Variants in CTNNA2 observed in about 807,000 individuals in gnomAD.
CTNNA2 encodes catenin alpha-2.
CTNNA2 carries 42 observed loss-of-function variants against 101.0 expected under a neutral mutation model. That is an observed-to-expected ratio of 0.42 (90% CI 0.32 to 0.54). CTNNA2 has a LOEUF of 0.54. CTNNA2 is among the 20% of genes least tolerant of loss of function. CTNNA2 has a pLI of 0.14. For missense variants in CTNNA2, 871 were observed against 1,223.1 expected (o/e 0.71, Z 4.29); for synonymous variants, 450 against 456.4 (o/e 0.99, Z 0.18).
chr2:79,757,594 G>A (rs532984106), intron 3 of CTNNA2, among the ~76,000 whole-genome samples: 1 of 152,238 alleles, frequency 6.6e-6, no homozygotes, highest in South Asian at 2.1e-4. Context: ...GACAAATATG[G>A]TCGAAGACTC....
intron 7 of CTNNA2, among the ~76,000 whole-genome samples, chr2:80,336,796 G>A (rs1671797331): frequency 6.6e-6 from 1 of 152,204 alleles, no homozygotes; most frequent in South Asian, 2.1e-4. Context: ...TCCGTAAGGT[G>A]CTCTGTTCAA....
intron 9 of CTNNA2, among the ~76,000 whole-genome samples, chr2:80,461,843 C>T (rs1394153396): frequency 6.6e-6 from 1 of 152,134 alleles, no homozygotes; most frequent in Non-Finnish European, 1.5e-5. Context: ...ATATTTTCCA[C>T]TTTTGTGGAT....
chr2:79,602,548 T>C (rs1677616033), intron 1 of CTNNA2, among the ~76,000 whole-genome samples: 2 of 152,078 alleles, frequency 1.3e-5, no homozygotes, highest in South Asian at 2.1e-4. Flanking sequence ...ATTATAAGAA[T>C]TAGAAGCAAA....
rs551348238 is a variant in CTNNA2 at position 79,473,925 on chromosome 2, G to C, written c.-134-31129G>C. Among the ~76,000 whole-genome samples, 3 of 152,090 alleles carry C rather than the reference G, an allele frequency of 2.0e-5. No homozygotes were observed. The South Asian group carries it at 6.2e-4, about 31-fold the overall frequency. On this transcript the variant is annotated intron_variant, in intron 4 of 21. Coordinates refer to the CTNNA2 transcript ENST00000466387. ...TCTCCAACAATTAAATTTTATTTCT[G>C]TGCCACCAATAAGACTAGCCACATG...
chr2:80,583,062 A>T (rs1052400605), intron 14 of CTNNA2, among the ~76,000 whole-genome samples: 1 of 152,154 alleles, frequency 6.6e-6, no homozygotes, highest in Non-Finnish European at 1.5e-5. Context: ...TTTCAGACAG[A>T]TTTGGTTTTG....
At chr2:79,786,851 C>T (rs1179160846) in intron 3 of CTNNA2, among the ~76,000 whole-genome samples, 1 of 152,128 alleles carries the variant, frequency 6.6e-6, no homozygotes, top group Non-Finnish European at 1.5e-5. Context: ...TAAATACAAT[C>T]ATTCCTGCCT....
intron 8 of CTNNA2, among the ~76,000 whole-genome samples, chr2:80,400,246 C>A (rs566845754): frequency 3.3e-4 from 51 of 152,260 alleles, no homozygotes; most frequent in Non-Finnish European, 6.2e-4. Context: ...ATCATCTTTC[C>A]CAGGGGAAAT....
At chr2:80,464,982 C>A (rs2117277) in intron 9 of CTNNA2, among the ~76,000 whole-genome samples, 1 of 152,050 alleles carries the variant, frequency 6.6e-6, no homozygotes, top group South Asian at 2.1e-4. Flanking sequence ...ATGGCATAAA[C>A]CCTCATAAAT....
intron 3 of CTNNA2, among the ~76,000 whole-genome samples, chr2:79,783,732 C>T (rs1246631461): frequency 6.6e-6 from 1 of 152,132 alleles, no homozygotes; most frequent in Admixed American, 6.6e-5. Context: ...TGTATCTTCT[C>T]AAAATGCACA....
chr2:80,322,303 C>T (rs532799975), intron 7 of CTNNA2, among the ~76,000 whole-genome samples: 124 of 152,242 alleles, frequency 8.1e-4, no homozygotes, highest in African/African-American at 2.8e-3. Context: ...TCCCTAAGCC[C>T]CTCATTTTAT....
chr2:79,926,763 G>A (rs552702206), intron 7 of CTNNA2, among the ~76,000 whole-genome samples: 110 of 151,724 alleles, frequency 7.3e-4, no homozygotes, highest in Non-Finnish European at 1.3e-3. Context: ...TTTATTGAGT[G>A]TTATGTTTTG....
rs375930107 is a variant in CTNNA2 at position 79,419,329 on chromosome 2, C to T, written c.-135+45316C>T. Among the ~76,000 whole-genome samples the T allele has an allele frequency of 8.0e-4, 121 of 152,016 alleles. 2 individuals are homozygous for T. In the South Asian group the frequency reaches 0.024, roughly 31 times the overall value. ...TATCAGTAAGATGGTAATGCTAGTT[C>T]GAAGAGCACTGGAAAACTAGTTATA... On this transcript the variant is annotated intron_variant, in intron 4 of 21. Coordinates refer to the CTNNA2 transcript ENST00000466387.
At chr2:79,728,784 T>C (rs1687020546) in intron 2 of CTNNA2, among the ~76,000 whole-genome samples, 1 of 152,232 alleles carries the variant, frequency 6.6e-6, no homozygotes, top group Non-Finnish European at 1.5e-5. Context: ...AGTTTCAGCT[T>C]TCTCCATATG....
intron 7 of CTNNA2, among the ~76,000 whole-genome samples, chr2:80,103,222 T>G (rs1238538160): frequency 1.3e-5 from 2 of 152,148 alleles, no homozygotes; most frequent in Non-Finnish European, 2.9e-5. Flanking sequence ...GGCTGAAAAG[T>G]CCCAGATTGG....
At chr2:79,844,979 TACACACAC>T (rs59885288) in intron 3 of CTNNA2, among the ~76,000 whole-genome samples, 1 of 140,214 alleles carries the variant, frequency 7.1e-6, no homozygotes, top group African/African-American at 2.7e-5. Context: ...GAAAACAAAC[TACACACAC>T]ACACACACAC....
intron 18 of CTNNA2, among the ~76,000 whole-genome samples, chr2:80,631,088 G>A (rs1361376912): frequency 6.6e-6 from 1 of 152,264 alleles, no homozygotes; most frequent in Non-Finnish European, 1.5e-5. Flanking sequence ...TTTACATCTT[G>A]TAATAAATAT....
chr2:80,163,596 G>A (rs1704475090), intron 7 of CTNNA2, among the ~76,000 whole-genome samples: 2 of 152,078 alleles, frequency 1.3e-5, no homozygotes, highest in South Asian at 4.1e-4. Context: ...TGGGTGGAAT[G>A]TTCTACAAGT....
chr2:80,087,299 C>T (rs924555439), intron 7 of CTNNA2, among the ~76,000 whole-genome samples: 1 of 151,960 alleles, frequency 6.6e-6, no homozygotes, highest in African/African-American at 2.4e-5. Flanking sequence ...AGGTACAGAA[C>T]ATCACTGGAC....
intron 9 of CTNNA2, among the ~76,000 whole-genome samples, chr2:80,492,646 G>T (rs2149519578): frequency 6.6e-6 from 1 of 152,192 alleles, no homozygotes; most frequent in Non-Finnish European, 1.5e-5. Context: ...TCCTCCCTTA[G>T]TTGCCCACAG....
Sources: gnomAD v4.1 joint callset for allele counts (sites outside exome capture counted in the v4.1 genomes callset) on GRCh38, gnomAD v4.1.1 for gene constraint, MANE v1.5 for transcripts, NCBI Gene and HGNC (gene_info 2026-07-23, HGNC 2026-07-21) for gene names.